The following GLDC variants were observed in gnomAD, a reference collection of about 807,000 sequenced individuals.
GLDC encodes glycine decarboxylase.
A neutral mutation model predicts 121.3 loss-of-function variants in GLDC; 104 were observed. The ratio of observed to expected loss-of-function variants is 0.86; its 90% CI spans 0.73 to 1.01. GLDC has a LOEUF of 1.01. GLDC is among the 50% of genes least tolerant of loss of function. The pLI is 0.00. For missense variants in GLDC, 1,429 were observed against 1,306.6 expected, an observed-to-expected ratio of 1.09 and a Z score of -1.44; for synonymous variants, 546 against 480.6, an observed-to-expected ratio of 1.14 and a Z score of -1.78.
intron 4 of GLDC, among the ~76,000 whole-genome samples, chr9:6,608,229 G>C (rs28833481): frequency 6.8e-6 from 1 of 146,450 alleles, no homozygotes; most frequent in Non-Finnish European, 1.5e-5. Flanking sequence ...CTGGCTAACA[G>C]GGTGAAACCC....
intron 10 of GLDC, 87 bp from the exon 11 acceptor site, chr9:6,592,310 T>C: frequency 1.2e-6 from 1 of 831,640 alleles, no homozygotes; most frequent in Non-Finnish European, 2.1e-6. Flanking sequence ...GGGGAGACAG[T>C]GCTAAACAAA....
intron 16 of GLDC, among the ~76,000 whole-genome samples, chr9:6,561,765 G>C (rs1817764497): frequency 6.6e-6 from 1 of 152,198 alleles, no homozygotes; most frequent in South Asian, 2.1e-4. Flanking sequence ...TTTAGGGGGT[G>C]CTATGTTTTC....
Position 6,540,148 on chromosome 9 carries a change from T to C in GLDC, c.2570-2A>G. The stretch of plus-strand genomic sequence containing the variant: ...AAATAAATTCATGACCCACATAACC[T>C]GTTCAGGAAAGTTGTTTCAGCCCAA... On this transcript the variant is annotated splice_acceptor_variant, in intron 21 of 24. Coordinates refer to ENST00000321612, the MANE Select transcript of GLDC (RefSeq NM_000170.3). LOFTEE classifies it high-confidence loss of function. 11 of 1,598,608 alleles carry C rather than the reference T, an allele frequency of 6.9e-6. No homozygotes were observed. The highest frequency in any genetic ancestry group is 9.4e-6 in the Non-Finnish European group (11 of 1,165,822).
rs150193069 is a variant in GLDC at position 6,610,329 on chromosome 9, A to G, written c.498T>C (p.Pro166=). 9.3e-4 allele frequency: 1,496 copies of G among 1,614,046 alleles called. 5 individuals are homozygous for G. The highest frequency in any genetic ancestry group is 4.8e-3 in the Middle Eastern group (29 of 6,062). ...GWITQYTPYQ[P]EVSQGRLESL... ...TCTCCAGCCTCCCCTGAGACACCTC[A>G]GGCTGGTATGGAGTATACTGGGTGA... Residue 166 remains proline (P), a synonymous_variant, in exon 4 of 25, where the codon CCT becomes CCC. Transcript: ENST00000321612.
chr9:6,638,873 G>T (rs1342105921), intron 2 of GLDC, among the ~76,000 whole-genome samples: 3 of 152,088 alleles, frequency 2.0e-5, no homozygotes. Context: ...GCTGGGCATG[G>T]TGGTGCGTGC....
chr9:6,644,050 A>ACGAAAAAAAAAAAAAAAAAAAAAAAAAAC (rs1819686070), intron 2 of GLDC, among the ~76,000 whole-genome samples: 3 of 92,704 alleles, frequency 3.2e-5, no homozygotes, highest in Non-Finnish European at 5.9e-5. Context: ...AAAAAAAAAA[A>ACGAAAAAAAAAAAAAAAAAAAAAAAAAAC]CGAAAAAAAA....
intron 2 of GLDC, chr9:6,639,158 G>T: frequency 1.3e-6 from 1 of 767,166 alleles, no homozygotes; most frequent in Non-Finnish European, 2.3e-6. Context: ...CGAAAGCGAA[G>T]AAGGAAGCTC....
intron 4 of GLDC, 36 bp downstream of exon 4, chr9:6,610,156 A>G (rs369838764): frequency 6.5e-7 from 1 of 1,548,744 alleles, no homozygotes; most frequent in African/African-American, 1.4e-5. Context: ...GAGGTGGCCC[A>G]CAACTGGAAT....
chr9:6,628,042 G>A (rs1819281956), intron 2 of GLDC, among the ~76,000 whole-genome samples: 1 of 152,194 alleles, frequency 6.6e-6, no homozygotes, highest in Non-Finnish European at 1.5e-5. Context: ...TCTACCTGCT[G>A]AACCAACCTG....
intron 3 of GLDC, among the ~76,000 whole-genome samples, chr9:6,615,879 G>A (rs916031415): frequency 6.6e-6 from 1 of 152,096 alleles, no homozygotes; most frequent in Non-Finnish European, 1.5e-5. Context: ...CTCCCAAAGT[G>A]CTGGGATACA....
intron 5 of GLDC, chr9:6,605,940 G>C (rs1430748487): frequency 6.3e-6 from 1 of 159,418 alleles, no homozygotes; most frequent in Non-Finnish European, 1.4e-5. Flanking sequence ...AGTTGTATGT[G>C]AGTCCCATTT....
At chr9:6,640,137 G>A (rs968896790) in intron 2 of GLDC, among the ~76,000 whole-genome samples, 1 of 152,128 alleles carries the variant, frequency 6.6e-6, no homozygotes, top group African/African-American at 2.4e-5. Context: ...CCTCTCCTCT[G>A]CCAATATGCA....
intron 8 of GLDC, among the ~76,000 whole-genome samples, chr9:6,599,371 G>C (rs183513317): frequency 6.6e-6 from 1 of 151,994 alleles, no homozygotes; most frequent in Non-Finnish European, 1.5e-5. Flanking sequence ...AAGGGAAAAC[G>C]TAAGCAGAGA....
intron 22 of GLDC, among the ~76,000 whole-genome samples, chr9:6,537,265 T>A (rs1272949830): frequency 6.6e-6 from 1 of 152,140 alleles, no homozygotes; most frequent in Non-Finnish European, 1.5e-5. Flanking sequence ...GCGATCTGCC[T>A]GTCTCTGCCT....
chr9:6,572,877 T>C (rs1477254825), intron 15 of GLDC, among the ~76,000 whole-genome samples: 1 of 152,186 alleles, frequency 6.6e-6, no homozygotes, highest in Non-Finnish European at 1.5e-5. Flanking sequence ...GCACATACTG[T>C]TAAATGTTTC....
In GLDC at chr9:6,536,219, T is replaced by C. The variant is rs141152043; in HGVS notation, c.2683A>G (p.Met895Val). ...LQDYGFHAPT[M>V]SWPVAGTLMV... The stretch of plus-strand genomic sequence containing the variant: ...AGGGTCCCTGCCACAGGCCAGGACA[T>C]GGTAGGGGCGTGAAATCCTGCAAAG... The change falls in exon 23 of 25, where the codon ATG (methionine) becomes GTG (valine). Residue 895 changes from methionine to valine, a missense_variant. By Grantham distance (21) the Met-to-Val change is conservative. Coordinates refer to ENST00000321612, the MANE Select transcript of GLDC (RefSeq NM_000170.3). The C allele has an allele frequency of 6.7e-4, 1,080 of 1,613,886 alleles. 5 individuals carry two copies. Among genetic ancestry groups the C allele is most frequent in the African/African-American group, 4.6e-3 (349 of 75,056 alleles).
chr9:6,538,438 A>T (rs1450086509), intron 22 of GLDC, among the ~76,000 whole-genome samples: 1 of 152,244 alleles, frequency 6.6e-6, no homozygotes, highest in African/African-American at 2.4e-5. Context: ...ACAGATTATC[A>T]GCTCTCTTCC....
At chr9:6,599,720 C>CAAAAAAAAAAAAA (rs549444099) in intron 8 of GLDC, among the ~76,000 whole-genome samples, 5 of 120,768 alleles carry the variant, frequency 4.1e-5, no homozygotes, top group African/African-American at 1.3e-4. Context: ...GACTCCATCT[C>CAAAAAAAAAAAAA]AAAAAAAAAA....
At chr9:6,603,618 C>T (rs1328296495) in intron 7 of GLDC, among the ~76,000 whole-genome samples, 4 of 152,068 alleles carry the variant, frequency 2.6e-5, no homozygotes, top group African/African-American at 7.2e-5. Context: ...AGCTTACTCA[C>T]TTATGTTAAA....
Sources: gnomAD v4.1 joint callset for allele counts (sites outside exome capture counted in the v4.1 genomes callset) on GRCh38, gnomAD v4.1.1 for gene constraint, MANE v1.5 for transcripts, NCBI Gene and HGNC (gene_info 2026-07-23, HGNC 2026-07-21) for gene names.